MXRA5: variants seen among roughly 807,000 people sequenced by gnomAD.
The protein encoded by MXRA5 is matrix remodeling associated 5.
MXRA5 carries 41 observed loss-of-function variants against 112.5 expected under a neutral mutation model. The observed-to-expected ratio is 0.36, with a 90% CI of 0.28 to 0.47. The LOEUF is 0.47. MXRA5 is among the 20% of genes least tolerant of loss of function. The pLI is 0.99. For synonymous variants in MXRA5, 862 were observed against 900.8 expected (o/e 0.96, Z 0.77); for missense variants, 2,150 against 2,251.0 (o/e 0.96, Z 0.91).
chrX:3,316,340 AAATAAATAAATAAATAAAT>A (rs1921131721), intron 6 of MXRA5, among the ~76,000 whole-genome samples: 1 of 93,296 alleles, frequency 1.1e-5, no homozygotes, highest in Non-Finnish European at 2.1e-5. Flanking sequence ...ATAAATAAAT[AAATAAATAAATAAATAAAT>A]AAATCACACA....
At position 3,339,229 on chromosome X, in the gene MXRA5, T is replaced by C. The variant is rs184328673; in HGVS notation, c.188+4417A>G. 6.3e-5 allele frequency among the ~76,000 whole-genome samples: 7 copies of C among 110,449 alleles called. No homozygotes were observed. In the Admixed American group the frequency reaches 6.8e-4, roughly 11 times the overall value. On this transcript the variant is annotated intron_variant, in intron 2 of 6. Transcript: ENST00000217939. ...CTCAGAAACCTGCCTGACCCTGTCA[T>C]CTTGCCCCTGCTTGTTTTGTTGTTG...
rs1220823252 is a variant in MXRA5, at chrX:3,320,790, T to A, written c.4895A>T (p.Tyr1632Phe). The change falls in exon 5 of 7, where the codon TAC becomes TTC. Residue 1632 changes from tyrosine to phenylalanine, a missense_variant. Around this residue, in one of 6 missense-constraint regions of MXRA5, gnomAD observed 1,485 missense variants for 1,471.6 expected, o/e 1.01. Coordinates refer to ENST00000217939, the MANE Select transcript of MXRA5 (RefSeq NM_015419.4). ...PEMSTQSASR[Y>F]FVTSQSPRHW... ...ACGAGGTGACTGGGAAGTTACAAAG[T>A]ATCTGGAAGCGCTTTGTGTGGACAT... 1.4e-5 allele frequency: 17 copies of A among 1,212,070 alleles called. No homozygotes were observed. The highest frequency in any genetic ancestry group is 1.9e-5 in the Non-Finnish European group (17 of 895,591).
chrX:3,345,072 C>T (rs1922075736), intron 1 of MXRA5, among the ~76,000 whole-genome samples: 1 of 111,740 alleles, frequency 8.9e-6, no homozygotes, highest in Non-Finnish European at 1.9e-5. Flanking sequence ...GGCAGAGGTT[C>T]CGGTGAACCG....
chrX:3,311,645 G>T (rs759567361), intron 6 of MXRA5, 21 bp from the exon 7 acceptor site: 3 of 1,163,376 alleles, frequency 2.6e-6, no homozygotes, highest in East Asian at 3.0e-5. Flanking sequence ...AAAGAAAAAG[G>T]AGTAAGATGT....
chrX:3,309,910 T>A lies in MXRA5; in HGVS notation c.8293A>T (p.Ile2765Phe). ...CMAMGIPKAD[I>F]TWELPDKSHL... ...GACTTATCCGGTAACTCCCACGTGA[T>A]GTCAGCTTTGGGAATCCCCATAGCC... Residue 2765 changes from isoleucine (I) to phenylalanine (F), a missense_variant, in exon 7 of 7, where the codon ATC (isoleucine) becomes TTC (phenylalanine). This residue lies in a region of MXRA5 where 178 missense variants were observed against 198.2 expected (regional missense o/e 0.90). Coordinates refer to ENST00000217939, the MANE Select transcript of MXRA5 (RefSeq NM_015419.4). 8.3e-7 allele frequency: 1 copy of A among 1,211,662 alleles called. No individual in the cohort carries two copies. The highest frequency in any genetic ancestry group is 1.1e-6 in the Non-Finnish European group (1 of 895,525).
chrX:3,311,395 G>A lies in MXRA5; in HGVS notation c.6808C>T (p.Leu2270Phe), dbSNP rs746671838. 8.3e-7 allele frequency: 1 copy of A among 1,211,829 alleles called. No homozygotes were observed. The highest frequency in any genetic ancestry group is 1.7e-5 in the African/African-American group (1 of 57,854). The change falls in exon 7 of 7, where the codon CTT becomes TTT. Residue 2270 changes from leucine to phenylalanine, a missense_variant. Coordinates refer to ENST00000217939, the MANE Select transcript of MXRA5 (RefSeq NM_015419.4). ...CTCCAGGAGATCTCGGGATTGGGAA[G>A]CCCGGTGGCCACACAGTCCACTTTC... ...DLKVDCVATG[L>F]PNPEISWSLP... is the part of the protein sequence containing the mutation.
chrX:3,314,548 G>A (rs961050002), intron 6 of MXRA5, among the ~76,000 whole-genome samples: 9 of 112,299 alleles, frequency 8.0e-5, no homozygotes, highest in South Asian at 7.4e-4. Flanking sequence ...AGATGGATAC[G>A]TAAGAGATAA....
At chrX:3,342,222 G>A (rs7471124) in intron 2 of MXRA5, among the ~76,000 whole-genome samples, 18,293 of 108,788 alleles carry the variant, frequency 0.17, 1,976 homozygotes, top group African/African-American at 0.38. Context: ...GGGGAACAAC[G>A]CACACCAGGG....
At chrX:3,326,530 T>G (rs1921514690) in intron 4 of MXRA5, among the ~76,000 whole-genome samples, 1 of 106,332 alleles carries the variant, frequency 9.4e-6, no homozygotes, top group African/African-American at 3.4e-5. Flanking sequence ...TATTTATACA[T>G]TTATAATATA....
intron 2 of MXRA5, among the ~76,000 whole-genome samples, chrX:3,341,958 C>G (rs757027252): frequency 4.6e-5 from 5 of 109,055 alleles, no homozygotes; most frequent in Non-Finnish European, 9.5e-5. Flanking sequence ...AAATATCACA[C>G]GCACCTTCCC....
Position 3,320,544 on chromosome X carries a change from A to G in MXRA5, c.5141T>C (p.Val1714Ala), listed in dbSNP as rs1415516150. The G allele has an allele frequency of 1.7e-6, 2 of 1,210,178 alleles. No individual in the cohort carries two copies. The highest frequency in any genetic ancestry group is 3.5e-5 in the African/African-American group (2 of 57,212). The stretch of plus-strand genomic sequence containing the variant: ...AATTCTTGGACTGGGAGGCTTTCCA[A>G]CTGGGTTTCTTGCCTCAGGGATGTT... Reference protein sequence around the residue: ...NNNIPEARNPVGKPPSPRIPH... With the variant: ...NNNIPEARNPAGKPPSPRIPH... The change falls in exon 5 of 7, where the codon GTT becomes GCT. Residue 1714 changes from valine to alanine, a missense_variant. Transcript: ENST00000217939.
In MXRA5 at chrX:3,310,284, T is replaced by C. The variant is rs373959395; in HGVS notation, c.7919A>G (p.Asn2640Ser). The change falls in exon 7 of 7, where the codon AAC becomes AGC. Residue 2640 changes from asparagine (N) to serine (S), a missense_variant. This residue lies in a region of MXRA5 where 178 missense variants were observed against 198.2 expected (regional missense o/e 0.90). Coordinates refer to ENST00000217939, the MANE Select transcript of MXRA5 (RefSeq NM_015419.4). The part of the protein sequence containing the change: ...SLKVGLKPEA[N>S]KQYHNLVSII... Reference sequence around the variant, plus strand: ...GCTGACCAGGTTATGATACTGCTTGTTTGCTTCTGGCTTCAGTCCCACCTT... The same window carrying C: ...GCTGACCAGGTTATGATACTGCTTGCTTGCTTCTGGCTTCAGTCCCACCTT... 32 of 1,208,335 alleles carry C rather than the reference T, an allele frequency of 2.6e-5. No homozygotes were observed. The highest frequency in any genetic ancestry group is 5.3e-5 in the South Asian group (3 of 56,652).
At chrX:3,336,880 T>C (rs1921796137) in intron 2 of MXRA5, among the ~76,000 whole-genome samples, 2 of 111,745 alleles carry the variant, frequency 1.8e-5, no homozygotes, top group Non-Finnish European at 3.8e-5. Flanking sequence ...AGATTCTACA[T>C]GCATGGATTC....
Position 3,316,044 on chromosome X carries a change from A to G in MXRA5, c.6578+1059T>C, listed in dbSNP as rs775974443. Among the ~76,000 whole-genome samples, 11 of 20,292 alleles carry G rather than the reference A, an allele frequency of 5.4e-4. No homozygotes were observed. In the East Asian group the frequency reaches 0.019, roughly 35 times the overall value. 17.6% of individuals were successfully genotyped at this position (20,292 alleles called of 115,157 possible). A position where few individuals can be genotyped will look rare whatever the true frequency, so the allele number is the denominator to read the frequency against. On this transcript the variant is annotated intron_variant, in intron 6 of 6. Transcript: ENST00000217939. ...TTGTTCTGGATCCGAGTTTAGAGGG[A>G]CAAAATTTCATTGCAGAAAAAGCAC...
At chrX:3,325,873 A>G (rs1264831771) in intron 4 of MXRA5, among the ~76,000 whole-genome samples, 3 of 97,588 alleles carry the variant, frequency 3.1e-5, no homozygotes, top group African/African-American at 1.1e-4. Context: ...AATTTATAAT[A>G]TATAATTTAT....
chrX:3,313,905 G>A (rs1201063406), intron 6 of MXRA5, among the ~76,000 whole-genome samples: 1 of 111,920 alleles, frequency 8.9e-6, no homozygotes, highest in East Asian at 2.8e-4. Context: ...AAGCTCTTCA[G>A]GGCACCACCC....
At chrX:3,316,957 T>C in intron 6 of MXRA5, 146 bp downstream of exon 6, 5 of 700,451 alleles carry the variant, frequency 7.1e-6, no homozygotes, top group Non-Finnish European at 1.0e-5. Flanking sequence ...ATTACAGGCG[T>C]GAGCCACCGT....
rs764109761 is a variant in MXRA5 at position 3,310,323 on chromosome X, C to T, written c.7880G>A (p.Arg2627Lys). 2.5e-5 allele frequency: 30 copies of T among 1,205,267 alleles called. No homozygotes were observed. Among genetic ancestry groups the T allele is most frequent in the Non-Finnish European group, 2.7e-5 (24 of 890,163 alleles). Reference protein sequence around the residue: ...VARNAAGHTERLVSLKVGLKP... With the variant: ...VARNAAGHTEKLVSLKVGLKP... ...CAGTCCCACCTTCAGGGAGACCAGC[C>T]TCTCCGTGTGGCCAGCGGCATTGCG... The change falls in exon 7 of 7, where the codon AGG becomes AAG. Residue 2627 changes from arginine (R) to lysine (K), a missense_variant. Arg to Lys is a conservative substitution (Grantham distance 26). Around this residue, in one of 6 missense-constraint regions of MXRA5, gnomAD observed 178 missense variants for 198.2 expected, o/e 0.90. Coordinates refer to ENST00000217939, the MANE Select transcript of MXRA5 (RefSeq NM_015419.4).
intron 2 of MXRA5, among the ~76,000 whole-genome samples, chrX:3,337,075 G>T (rs1009244645): frequency 8.9e-6 from 1 of 112,229 alleles, no homozygotes; most frequent in Non-Finnish European, 1.9e-5. Context: ...TTAAAGCACA[G>T]GAAGGAGAGT....
Sources: allele counts gnomAD v4.1 joint callset (sites outside exome capture counted in the v4.1 genomes callset), GRCh38; gene constraint gnomAD v4.1.1; regional missense constraint gnomAD v4.1.1; transcripts MANE v1.5; gene names NCBI Gene and HGNC (gene_info 2026-07-23, HGNC 2026-07-21).